The following SOD2 variants were observed in gnomAD, a reference collection of about 807,000 sequenced individuals.
SOD2 encodes superoxide dismutase [Mn], mitochondrial.
A neutral mutation model predicts 27.0 loss-of-function variants in SOD2; 11 were observed. The ratio of observed to expected loss-of-function variants is 0.41; its 90% confidence interval spans 0.26 to 0.67. The LOEUF is 0.67. Ranked by LOEUF, SOD2 falls within the 30% of genes least tolerant of loss-of-function variation. The probability of loss-of-function intolerance (pLI) is 0.34; values close to 1 mark genes in which losing one functional copy is unlikely to be tolerated. For missense variants in SOD2, 250 were observed against 274.5 expected (o/e 0.91, Z 0.63); for synonymous variants, 105 against 103.0 (o/e 1.02, Z -0.12).
chr6:159,681,580 C>T lies in SOD2; in HGVS notation c.*913G>A, dbSNP rs1190916110. The stretch of plus-strand genomic sequence containing the variant: ...CAGGGAGTCTTTGAATCCACCATAA[C>T]CTGTAAGCCCGCCCCCTGCCTACCC... On this transcript the variant is annotated 3_prime_UTR_variant, in exon 5 of 5. Coordinates refer to ENST00000538183, the MANE Select transcript of SOD2 (RefSeq NM_000636.4). 2 of 152,260 alleles carry T rather than the reference C, an allele frequency of 1.3e-5. No individual in the cohort carries two copies. The highest frequency in any genetic ancestry group is 4.8e-5 in the African/African-American group (2 of 41,448). 9.4% of individuals were successfully genotyped at this position (152,260 alleles called of 1,614,324 possible).
At chr6:159,730,152 T>C (rs1778479519), upstream of SOD2, among the ~76,000 whole-genome samples, 1 of 152,216 alleles carries the variant, frequency 6.6e-6, no homozygotes, top group Non-Finnish European at 1.5e-5. Flanking sequence ...AATAGCTGTT[T>C]TAATCACCTA....
At chr6:159,736,238 T>G in intron 1 of SOD2, 1 of 1,590,236 alleles carries the variant, frequency 6.3e-7, no homozygotes, top group Non-Finnish European at 8.6e-7. Flanking sequence ...GAACTTGTTT[T>G]CCGCAACTTT....
chr6:159,742,063 T>A, intron 1 of SOD2: 1 of 1,534,640 alleles, frequency 6.5e-7, no homozygotes, highest in Non-Finnish European at 8.9e-7. Context: ...TCGTAACAAC[T>A]AATGTATGGA....
At chr6:159,705,478 A>C (rs1308533129) in intron 1 of SOD2, among the ~76,000 whole-genome samples, 1 of 152,272 alleles carries the variant, frequency 6.6e-6, no homozygotes, top group Non-Finnish European at 1.5e-5. Flanking sequence ...ACGAATGCAC[A>C]AGCTTCAGTA....
At chr6:159,705,399 G>C (rs1490634515) in intron 1 of SOD2, among the ~76,000 whole-genome samples, 1 of 152,178 alleles carries the variant, frequency 6.6e-6, no homozygotes, top group African/African-American at 2.4e-5. Flanking sequence ...TGGCTAACTA[G>C]AATAACTAAT....
intron 1 of SOD2, among the ~76,000 whole-genome samples, chr6:159,757,111 G>C (rs1780026082): frequency 6.6e-6 from 1 of 152,160 alleles, no homozygotes; most frequent in Admixed American, 6.5e-5. Flanking sequence ...GTCAAAATTT[G>C]CTCCATTTTC....
upstream of SOD2, among the ~76,000 whole-genome samples, chr6:159,729,557 T>C (rs1296444875): frequency 6.8e-6 from 1 of 146,572 alleles, no homozygotes; most frequent in Non-Finnish European, 1.5e-5. Context: ...GTTCATATTA[T>C]GTTCATATTT....
At chr6:159,688,629 G>A (rs962477163) in intron 2 of SOD2, among the ~76,000 whole-genome samples, 2 of 152,114 alleles carry the variant, frequency 1.3e-5, no homozygotes, top group African/African-American at 4.8e-5. Flanking sequence ...ACGATTCATT[G>A]GGAAATATCT....
At chr6:159,762,207 G>T in exon 1 of SOD2, 1 of 1,549,408 alleles carries the variant, frequency 6.5e-7, no homozygotes, top group South Asian at 1.2e-5. Context: ...AGCGCCGAGG[G>T]CCGGACTTGT....
chr6:159,676,942 G>C lies in SOD2; in HGVS notation c.*5551C>G, dbSNP rs909902670. On this transcript the variant is annotated 3_prime_UTR_variant, in exon 5 of 5. Transcript: ENST00000538183. Reference sequence around the variant, plus strand: ...CATGCCCACACAAAGGCAAGCAGCAGAAGGAGGAGCAAGCATAAGGCCTTC... The same window carrying C: ...CATGCCCACACAAAGGCAAGCAGCACAAGGAGGAGCAAGCATAAGGCCTTC... 6.7e-6 allele frequency: 1 copy of C among 149,190 alleles called. No homozygotes were observed. The highest frequency in any genetic ancestry group is 6.9e-5 in the Admixed American group (1 of 14,570). The allele number at this position is 149,190 out of a possible 1,614,324, so 9.2% of individuals were successfully genotyped here. A position where few individuals can be genotyped will look rare whatever the true frequency, so the allele number is the denominator to read the frequency against.
intron 1 of SOD2, chr6:159,753,576 A>G: frequency 6.2e-7 from 1 of 1,614,204 alleles, no homozygotes; most frequent in Non-Finnish European, 8.5e-7. Context: ...TTGGCTTTAC[A>G]GAAGAAATAC....
At chr6:159,698,679 A>G (rs1462065516) in intron 1 of SOD2, among the ~76,000 whole-genome samples, 1 of 151,960 alleles carries the variant, frequency 6.6e-6, no homozygotes, top group Non-Finnish European at 1.5e-5. Flanking sequence ...CTTAACCACT[A>G]ATAGCCTGCT....
chr6:159,744,953 T>G (rs1779486549), intron 1 of SOD2, among the ~76,000 whole-genome samples: 7 of 152,208 alleles, frequency 4.6e-5, no homozygotes, highest in Admixed American at 4.6e-4. Context: ...ACTGTTGGGA[T>G]TATAGGTGTG....
chr6:159,754,742 A>G (rs1779942616), intron 1 of SOD2, among the ~76,000 whole-genome samples: 3 of 152,186 alleles, frequency 2.0e-5, no homozygotes, highest in Admixed American at 6.5e-5. Flanking sequence ...CATGTTCAGT[A>G]TAGACCCAGT....
chr6:159,719,267 A>T (rs1207889721), intron 1 of SOD2, among the ~76,000 whole-genome samples: 1 of 152,080 alleles, frequency 6.6e-6, no homozygotes, highest in Non-Finnish European at 1.5e-5. Flanking sequence ...ACCCATGCCT[A>T]TAATCCCAGC....
chr6:159,727,492 C>T (rs1044271947), upstream of SOD2: 12 of 991,658 alleles, frequency 1.2e-5, no homozygotes, highest in African/African-American at 1.9e-4. Flanking sequence ...GGCCGGGCGG[C>T]GGGGCCTGGT....
chr6:159,726,622 C>A, intron 1 of SOD2: 1 of 432,126 alleles, frequency 2.3e-6, no homozygotes, highest in South Asian at 2.0e-5. Flanking sequence ...ACTCCACTTG[C>A]AGGACCTCTT....
At chr6:159,720,537 T>A (rs999070723) in intron 1 of SOD2, 1 of 152,862 alleles carries the variant, frequency 6.5e-6, no homozygotes, top group Admixed American at 6.5e-5. Flanking sequence ...AAGAAAAGGA[T>A]GGTAGTAAGT....
Position 159,681,777 on chromosome 6 carries a change from C to T in SOD2, c.*716G>A, listed in dbSNP as rs1350558637. The T allele has an allele frequency of 6.6e-6, 1 of 151,048 alleles. No homozygotes were observed. The highest frequency in any genetic ancestry group is 6.6e-5 in the Admixed American group (1 of 15,166). The allele number at this position is 151,048 out of a possible 1,614,324, so 9.4% of individuals were successfully genotyped here. On this transcript the variant is annotated 3_prime_UTR_variant, in exon 5 of 5. Transcript: ENST00000538183. The stretch of plus-strand genomic sequence containing the variant: ...CCTTTAAATACTCTAGCTTGTAGGT[C>T]ATCATGGAGATTGGGTCTCAAGCAT...
Sources: gnomAD v4.1 joint callset for allele counts (sites outside exome capture counted in the v4.1 genomes callset) on GRCh38, gnomAD v4.1.1 for gene constraint, MANE v1.5 for transcripts, NCBI Gene and HGNC (gene_info 2026-07-23, HGNC 2026-07-21) for gene names.